LRP1B: variants seen among roughly 807,000 people sequenced by gnomAD.
The protein encoded by LRP1B is low-density lipoprotein receptor-related protein 1B.
Under a neutral mutation model 556.6 loss-of-function variants are expected in LRP1B, and 217 were observed. That is an observed-to-expected ratio of 0.39 (90% CI 0.35 to 0.44). The LOEUF (loss-of-function observed/expected upper bound fraction) is 0.44, where lower values mean the gene tolerates loss of function less well. Among genes scored for constraint, LRP1B ranks in the 20% least tolerant of loss-of-function variants. LRP1B has a pLI of 1.00. For synonymous variants in LRP1B, 2,047 were observed against 1,865.8 expected, an observed-to-expected ratio of 1.10 and a Z score of -2.50; for missense variants, 5,053 against 5,620.8, an observed-to-expected ratio of 0.90 and a Z score of 3.23.
chr2:140,333,558 G>T (rs1196236862), intron 79 of LRP1B, among the ~76,000 whole-genome samples: 2 of 151,916 alleles, frequency 1.3e-5, no homozygotes, highest in Non-Finnish European at 2.9e-5. Context: ...GAATGGAAAG[G>T]TATAAAACAC....
chr2:141,113,240 G>T (rs1700798939), intron 7 of LRP1B, among the ~76,000 whole-genome samples: 1 of 152,102 alleles, frequency 6.6e-6, no homozygotes, highest in Non-Finnish European at 1.5e-5. Flanking sequence ...AAAGCACACA[G>T]TGAACCAAAG....
intron 45 of LRP1B, 119 bp from the exon 46 acceptor site, chr2:140,536,828 C>A: frequency 1.3e-6 from 1 of 753,362 alleles, no homozygotes; most frequent in Non-Finnish European, 2.1e-6. Context: ...TCAAAATGTA[C>A]AATTAAAGAG....
intron 66 of LRP1B, among the ~76,000 whole-genome samples, chr2:140,432,279 A>C (rs11901300): frequency 0.36 from 54,723 of 151,586 alleles, 10,539 homozygotes; most frequent in Non-Finnish European, 0.41. Flanking sequence ...TATAAAACAG[A>C]CCCACCTGTA....
At chr2:140,807,933 A>T (rs2105023748) in intron 32 of LRP1B, among the ~76,000 whole-genome samples, 1 of 152,188 alleles carries the variant, frequency 6.6e-6, no homozygotes, top group East Asian at 1.9e-4. Flanking sequence ...CTCTACTGAA[A>T]ATACAAAAAT....
Position 140,541,907 on chromosome 2 carries a change from C to A in LRP1B, c.7259G>T (p.Trp2420Leu). 3 of 1,612,502 alleles carry A rather than the reference C, an allele frequency of 1.9e-6. No individual in the cohort carries two copies. The highest frequency in any genetic ancestry group is 2.5e-6 in the Non-Finnish European group (3 of 1,179,018). The change falls in exon 44 of 91, where the codon TGG becomes TTG. Residue 2420 changes from tryptophan to leucine, a missense_variant. Around this residue, in one of 5 missense-constraint regions of LRP1B, gnomAD observed 3,619 missense variants for 3,931.9 expected, o/e 0.92. Coordinates refer to ENST00000389484, the MANE Select transcript of LRP1B (RefSeq NM_018557.3). ...TATAGCTCTTCTTCCCCAGTCCGAC[C>A]AGAATATATAATTGTCATAAACAGC... ...SLAVYDNYIF[W>L]SDWGRRAILR...
chr2:141,051,899 A>C (rs1459437829), intron 10 of LRP1B, among the ~76,000 whole-genome samples: 1 of 151,922 alleles, frequency 6.6e-6, no homozygotes, highest in African/African-American at 2.4e-5. Context: ...TATTTAATGT[A>C]TGTAGGTATT....
intron 35 of LRP1B, among the ~76,000 whole-genome samples, chr2:140,736,533 T>C (rs1289800825): frequency 1.3e-5 from 2 of 152,068 alleles, no homozygotes; most frequent in East Asian, 1.9e-4. Context: ...AACAGAGATA[T>C]AGACCAATGG....
chr2:140,391,643 T>C (rs1344401504), intron 66 of LRP1B, among the ~76,000 whole-genome samples: 1 of 152,146 alleles, frequency 6.6e-6, no homozygotes, highest in Non-Finnish European at 1.5e-5. Context: ...GGGAAGGTAG[T>C]ATGAATTACA....
At chr2:141,482,715 T>A (rs1035356073) in intron 2 of LRP1B, among the ~76,000 whole-genome samples, 12 of 152,014 alleles carry the variant, frequency 7.9e-5, no homozygotes, top group African/African-American at 2.4e-4. Context: ...ACCAACATCA[T>A]AAAGTAGCTT....
At position 140,297,814 on chromosome 2, in the gene LRP1B, G is replaced by T. The variant is rs2105000420; in HGVS notation, c.12961C>A (p.Gln4321Lys). Reference protein sequence around the residue: ...CQPEYTGDRCQYYVCHHYCVN... With the variant: ...CQPEYTGDRCKYYVCHHYCVN... ...GGGTGCTGCTTTTACTTACAGTACT[G>T]ACATCTGTCTCCGGTGTATTCCGGC... Residue 4321 changes from glutamine (Q) to lysine (K), a missense_variant, in exon 84 of 91, where the codon CAG becomes AAG. By Grantham distance (53) the Gln-to-Lys change is moderately conservative. This residue lies in a region of LRP1B where 551 missense variants were observed against 592.0 expected (regional missense o/e 0.93). Coordinates refer to ENST00000389484, the MANE Select transcript of LRP1B (RefSeq NM_018557.3). 3.1e-6 allele frequency: 5 copies of T among 1,612,950 alleles called. No homozygotes were observed. Among genetic ancestry groups the T allele is most frequent in the African/African-American group, 1.3e-5 (1 of 74,994 alleles).
chr2:140,847,985 A>T (rs2105112323), intron 29 of LRP1B, among the ~76,000 whole-genome samples: 1 of 152,286 alleles, frequency 6.6e-6, no homozygotes, highest in East Asian at 1.9e-4. Context: ...ATACCAGTTC[A>T]TAATTAAAGA....
intron 51 of LRP1B, among the ~76,000 whole-genome samples, chr2:140,513,353 T>C (rs1218267214): frequency 6.6e-6 from 1 of 152,070 alleles, no homozygotes; most frequent in East Asian, 1.9e-4. Flanking sequence ...CAGTTTAGTG[T>C]AGAGTTTAAC....
At chr2:141,589,827 G>A (rs1687273271) in intron 2 of LRP1B, among the ~76,000 whole-genome samples, 1 of 152,130 alleles carries the variant, frequency 6.6e-6, no homozygotes, top group Non-Finnish European at 1.5e-5. Context: ...CTTTGGGTAT[G>A]TTATGGAAAC....
At chr2:140,403,793 T>C (rs1443313100) in intron 66 of LRP1B, among the ~76,000 whole-genome samples, 2 of 152,146 alleles carry the variant, frequency 1.3e-5, no homozygotes, top group Non-Finnish European at 2.9e-5. Context: ...GGAAATTTAT[T>C]GCAAAAAGAT....
At chr2:141,601,348 C>A (rs974785479) in intron 2 of LRP1B, among the ~76,000 whole-genome samples, 2 of 152,094 alleles carry the variant, frequency 1.3e-5, no homozygotes, top group African/African-American at 4.8e-5. Flanking sequence ...CCATGCTGTA[C>A]CTATAAGTAC....
Position 141,106,110 on chromosome 2 carries a change from C to T in LRP1B, c.1014-43837G>A, listed in dbSNP as rs78198194. ...TAAAACTCATGATTTGGTACTTCAT[C>T]TCACTTTACTTAGAAACAATATAAT... On this transcript the variant is annotated intron_variant, in intron 7 of 90. Transcript: ENST00000389484. Among the ~76,000 whole-genome samples the T allele has an allele frequency of 9.2e-4, 140 of 152,270 alleles. No individual in the cohort carries two copies. In the East Asian group the frequency reaches 0.026, roughly 28 times the overall value.
intron 2 of LRP1B, among the ~76,000 whole-genome samples, chr2:141,769,286 C>A (rs915411651): frequency 3.9e-5 from 6 of 152,180 alleles, no homozygotes; most frequent in African/African-American, 1.2e-4. Flanking sequence ...ACTGTGCAAA[C>A]AATTTCTGCA....
intron 32 of LRP1B, among the ~76,000 whole-genome samples, chr2:140,794,874 A>C (rs1690250609): frequency 6.6e-6 from 1 of 152,078 alleles, no homozygotes; most frequent in African/African-American, 2.4e-5. Context: ...CGGCCTCCCA[A>C]AGCACTGGGA....
chr2:141,035,764 A>T (rs1698515243), intron 11 of LRP1B, among the ~76,000 whole-genome samples: 1 of 152,130 alleles, frequency 6.6e-6, no homozygotes, highest in South Asian at 2.1e-4. Flanking sequence ...AAAATACAAA[A>T]TGAGCTTATT....
Sources: gnomAD v4.1 joint callset for allele counts (sites outside exome capture counted in the v4.1 genomes callset) on GRCh38, gnomAD v4.1.1 for gene constraint, gnomAD v4.1.1 regional missense constraint, MANE v1.5 for transcripts, NCBI Gene and HGNC (gene_info 2026-07-23, HGNC 2026-07-21) for gene names.